The following ANKS1B variants were observed in gnomAD, a reference collection of about 807,000 sequenced individuals.
The protein encoded by ANKS1B is ankyrin repeat and sterile alpha motif domain containing 1B, also known as ankyrin repeat and sterile alpha motif domain-containing protein 1B.
ANKS1B carries 36 observed loss-of-function variants against 148.3 expected under a neutral mutation model. The ratio of observed to expected loss-of-function variants is 0.24; its 90% CI spans 0.19 to 0.32. The LOEUF is 0.32. ANKS1B is among the 10% of genes least tolerant of loss of function. The pLI is 1.00. For missense variants in ANKS1B, 1,157 were observed against 1,542.6 expected (o/e 0.75, Z 4.19); for synonymous variants, 542 against 560.8 (o/e 0.97, Z 0.47).
intron 1 of ANKS1B, among the ~76,000 whole-genome samples, chr12:99,826,056 T>C (rs562445685): frequency 6.6e-6 from 1 of 152,314 alleles, no homozygotes; most frequent in South Asian, 2.1e-4. Flanking sequence ...GAAACTCTTT[T>C]TAACTTTTGG....
At chr12:98,880,130 A>G (rs115414925) in intron 17 of ANKS1B, among the ~76,000 whole-genome samples, 242 of 152,306 alleles carry the variant, frequency 1.6e-3, no homozygotes, top group African/African-American at 5.4e-3. Flanking sequence ...TACAAAATCA[A>G]TCCTGAAAGT....
intron 17 of ANKS1B, among the ~76,000 whole-genome samples, chr12:98,958,806 A>G (rs559997015): frequency 6.6e-6 from 1 of 152,324 alleles, no homozygotes; most frequent in South Asian, 2.1e-4. Flanking sequence ...CTGTTCTGTT[A>G]TTACTTCAAA....
At chr12:99,723,969 G>A (rs56401252) in intron 8 of ANKS1B, among the ~76,000 whole-genome samples, 65,804 of 151,240 alleles carry the variant, frequency 0.44, 14,651 homozygotes, top group South Asian at 0.61. Context: ...TCAGCAAAAA[G>A]TGTCTCCCCA....
At chr12:99,875,018 T>C (rs760019457) in intron 1 of ANKS1B, among the ~76,000 whole-genome samples, 4 of 151,804 alleles carry the variant, frequency 2.6e-5, no homozygotes, top group Admixed American at 2.0e-4. Context: ...TAACTTAACC[T>C]CTCCTGGCCT....
At chr12:98,935,182 A>G (rs909851015) in intron 17 of ANKS1B, among the ~76,000 whole-genome samples, 1 of 152,176 alleles carries the variant, frequency 6.6e-6, no homozygotes, top group Non-Finnish European at 1.5e-5. Context: ...GAGAGTTTTT[A>G]TCATCAAAGG....
At chr12:99,731,119 GTTTA>G (rs2059102994) in intron 8 of ANKS1B, among the ~76,000 whole-genome samples, 1 of 149,874 alleles carries the variant, frequency 6.7e-6, no homozygotes, top group Admixed American at 6.7e-5. Context: ...TTTGTTTTAT[GTTTA>G]TTTGTTTGTT....
intron 10 of ANKS1B, among the ~76,000 whole-genome samples, chr12:99,475,184 G>A (rs1355472749): frequency 6.7e-6 from 1 of 150,364 alleles, no homozygotes; most frequent in African/African-American, 2.4e-5. Flanking sequence ...ACAGAGGTTT[G>A]CAGTGAGCCG....
downstream of ANKS1B, among the ~76,000 whole-genome samples, chr12:98,740,517 A>G (rs971825043): frequency 6.6e-6 from 1 of 152,180 alleles, no homozygotes; most frequent in Non-Finnish European, 1.5e-5. Context: ...TGGCTAATTT[A>G]TAGAGCAGCT....
chr12:99,225,810 G>A (rs1341739297), intron 14 of ANKS1B, among the ~76,000 whole-genome samples: 1 of 152,214 alleles, frequency 6.6e-6, no homozygotes, highest in East Asian at 1.9e-4. Context: ...CTGAGATTTT[G>A]GGACTTGGAC....
chr12:99,634,456 A>T (rs2098211087), intron 9 of ANKS1B, among the ~76,000 whole-genome samples: 1 of 152,190 alleles, frequency 6.6e-6, no homozygotes, highest in South Asian at 2.1e-4. Context: ...TTTCTTTATA[A>T]ATTACCCAGT....
intron 17 of ANKS1B, among the ~76,000 whole-genome samples, chr12:98,871,127 CT>C (rs2152382945): frequency 6.6e-6 from 1 of 152,314 alleles, no homozygotes; most frequent in African/African-American, 2.4e-5. Context: ...ATTTTAACCT[CT>C]TCCTCATGTA....
At chr12:99,519,105 G>A (rs920814980) in intron 9 of ANKS1B, among the ~76,000 whole-genome samples, 6 of 151,916 alleles carry the variant, frequency 3.9e-5, no homozygotes, top group Non-Finnish European at 8.8e-5. Flanking sequence ...ATCTAAATTT[G>A]GTTGAATGTT....
intron 1 of ANKS1B, among the ~76,000 whole-genome samples, chr12:99,863,237 A>G (rs1014258873): frequency 5.9e-5 from 9 of 152,154 alleles, no homozygotes; most frequent in African/African-American, 2.2e-4. Flanking sequence ...GGCCCTGCCA[A>G]TGATCTCCTT....
At chr12:98,968,921 A>T (rs1396547480) in intron 17 of ANKS1B, among the ~76,000 whole-genome samples, 1 of 152,144 alleles carries the variant, frequency 6.6e-6, no homozygotes, top group Non-Finnish European at 1.5e-5. Context: ...CACAGTAGAG[A>T]TATGTTAATA....
chr12:99,763,806 T>C (rs981486119), intron 8 of ANKS1B, among the ~76,000 whole-genome samples: 1 of 152,224 alleles, frequency 6.6e-6, no homozygotes, highest in Admixed American at 6.5e-5. Flanking sequence ...TCATATACTA[T>C]ATACTTCCTT....
At chr12:99,325,132 A>G (rs540311024) in intron 12 of ANKS1B, among the ~76,000 whole-genome samples, 2 of 152,278 alleles carry the variant, frequency 1.3e-5, no homozygotes, top group South Asian at 4.1e-4. Flanking sequence ...CAAAAAATTC[A>G]TAGAAAATGC....
At chr12:98,748,310 G>A (rs1439612417) in intron 26 of ANKS1B, among the ~76,000 whole-genome samples, 1 of 152,148 alleles carries the variant, frequency 6.6e-6, no homozygotes, top group African/African-American at 2.4e-5. Context: ...GGTGAGCAGG[G>A]ACCCAGTCAG....
chr12:99,470,692 G>A (rs1039087333), intron 10 of ANKS1B, among the ~76,000 whole-genome samples: 4 of 152,236 alleles, frequency 2.6e-5, no homozygotes, highest in Admixed American at 2.0e-4. Context: ...GCTATGATAT[G>A]TCTATCATAT....
At chr12:99,299,787 T>A (rs2081367199) in intron 12 of ANKS1B, among the ~76,000 whole-genome samples, 1 of 152,188 alleles carries the variant, frequency 6.6e-6, no homozygotes, top group Non-Finnish European at 1.5e-5. Flanking sequence ...TAAAAATCCC[T>A]TTTTTTCCAT....
Sources: allele counts gnomAD v4.1 joint callset (sites outside exome capture counted in the v4.1 genomes callset), GRCh38; gene constraint gnomAD v4.1.1; transcripts MANE v1.5; gene names NCBI Gene and HGNC (gene_info 2026-07-23, HGNC 2026-07-21).